The following PLXDC2 variants were observed in gnomAD, a reference collection of about 807,000 sequenced individuals.
PLXDC2 encodes plexin domain-containing protein 2.
Under a neutral mutation model 68.9 loss-of-function variants are expected in PLXDC2, and 40 were observed. That is an observed-to-expected ratio of 0.58 (90% CI 0.45 to 0.76). The LOEUF is 0.76. Among genes scored for constraint, PLXDC2 ranks in the 30% least tolerant of loss-of-function variants. The probability of loss-of-function intolerance (pLI) is 0.00; values close to 1 mark genes in which losing one functional copy is unlikely to be tolerated. For synonymous variants in PLXDC2, 243 were observed against 234.2 expected (o/e 1.04, Z -0.34); for missense variants, 644 against 661.9 (o/e 0.97, Z 0.30).
At chr10:20,271,363 A>G (rs753905563) in intron 13 of PLXDC2, among the ~76,000 whole-genome samples, 1 of 152,180 alleles carries the variant, frequency 6.6e-6, no homozygotes, top group Non-Finnish European at 1.5e-5. Flanking sequence ...GTTTTGTACC[A>G]TGAAGGCAAT....
At chr10:19,963,417 G>A (rs2131604678) in intron 1 of PLXDC2, among the ~76,000 whole-genome samples, 1 of 152,186 alleles carries the variant, frequency 6.6e-6, no homozygotes, top group Middle Eastern at 3.4e-3. Context: ...TTGGACATTT[G>A]GGTTGGTTCC....
chr10:20,089,160 C>G (rs1322510617), intron 4 of PLXDC2, among the ~76,000 whole-genome samples: 1 of 144,708 alleles, frequency 6.9e-6, no homozygotes, highest in Non-Finnish European at 1.5e-5. Context: ...AAAAAAAAAC[C>G]TGTATATACG....
chr10:20,205,869 T>C (rs553181180), intron 9 of PLXDC2, among the ~76,000 whole-genome samples: 4 of 152,214 alleles, frequency 2.6e-5, no homozygotes, highest in Non-Finnish European at 5.9e-5. Flanking sequence ...GGAATAAGTT[T>C]CTTGAGATAT....
chr10:19,849,208 TAAC>T (rs918576678), intron 1 of PLXDC2, among the ~76,000 whole-genome samples: 3 of 152,188 alleles, frequency 2.0e-5, no homozygotes, highest in African/African-American at 7.2e-5. Context: ...AAAAAATAAA[TAAC>T]AATAACATAA....
intron 9 of PLXDC2, among the ~76,000 whole-genome samples, chr10:20,190,498 A>G (rs1232890069): frequency 6.6e-6 from 1 of 151,866 alleles, no homozygotes; most frequent in Non-Finnish European, 1.5e-5. Context: ...CCTAATGTAA[A>G]TGACGAGTTA....
At chr10:20,182,819 T>C (rs1272896576) in intron 9 of PLXDC2, among the ~76,000 whole-genome samples, 1 of 151,946 alleles carries the variant, frequency 6.6e-6, no homozygotes, top group Non-Finnish European at 1.5e-5. Context: ...ATGCATTACA[T>C]ATTTGTCCTA....
At chr10:19,941,176 G>A (rs552953036) in intron 1 of PLXDC2, among the ~76,000 whole-genome samples, 18 of 152,282 alleles carry the variant, frequency 1.2e-4, no homozygotes, top group Admixed American at 5.2e-4. Flanking sequence ...ACTTCCCAGA[G>A]AATAGACATT....
At chr10:20,098,078 G>A (rs186345469) in intron 4 of PLXDC2, among the ~76,000 whole-genome samples, 7 of 151,766 alleles carry the variant, frequency 4.6e-5, no homozygotes, top group South Asian at 4.2e-4. Flanking sequence ...TTTTATTTGT[G>A]GGGGGCGGTA....
chr10:19,889,698 A>T (rs1837915148), intron 1 of PLXDC2, among the ~76,000 whole-genome samples: 1 of 152,218 alleles, frequency 6.6e-6, no homozygotes, highest in South Asian at 2.1e-4. Flanking sequence ...TTTAAGAGAT[A>T]GTGTGTTTCT....
At chr10:19,889,774 A>G (rs10764175) in intron 1 of PLXDC2, among the ~76,000 whole-genome samples, 121,710 of 152,170 alleles carry the variant, frequency 0.8, 49,079 homozygotes, top group African/African-American at 0.91. Context: ...GACATTTTGT[A>G]CTCTGAGATG....
chr10:20,109,061 A>C (rs1011461596), intron 4 of PLXDC2, among the ~76,000 whole-genome samples: 8 of 152,236 alleles, frequency 5.3e-5, no homozygotes, highest in Non-Finnish European at 1.0e-4. Context: ...TAAATTGCTT[A>C]GTAAAATAAG....
intron 1 of PLXDC2, among the ~76,000 whole-genome samples, chr10:19,929,007 G>A (rs934312707): frequency 3.3e-5 from 5 of 151,426 alleles, no homozygotes; most frequent in African/African-American, 9.7e-5. Flanking sequence ...CGCCCACTTC[G>A]GCCTCCCAAA....
rs1834946219 is a variant in PLXDC2 at position 20,001,855 on chromosome 10, T to C, written c.193T>C (p.Trp65Arg). ...TGATTCACACGCGTACAGCCACAGGTGGAAAAGAAACTTGGACTTTCTCAA... is the reference window on the plus strand; with the variant it reads ...TGATTCACACGCGTACAGCCACAGGCGGAAAAGAAACTTGGACTTTCTCAA... Reference protein sequence around the residue: ...EVDSHAYSHRWKRNLDFLKAV... With the variant: ...EVDSHAYSHRRKRNLDFLKAV... Residue 65 changes from tryptophan to arginine, a missense_variant, in exon 2 of 14, where the codon TGG becomes CGG. By Grantham distance (101) the Trp-to-Arg change is moderately radical (BLOSUM62 -3). Transcript: ENST00000377252. The C allele has an allele frequency of 6.2e-7, 1 of 1,613,572 alleles. No homozygotes were observed. The highest frequency in any genetic ancestry group is 8.5e-7 in the Non-Finnish European group (1 of 1,179,930).
chr10:20,083,881 C>G (rs917327807), intron 4 of PLXDC2, among the ~76,000 whole-genome samples: 10 of 152,050 alleles, frequency 6.6e-5, no homozygotes, highest in African/African-American at 1.9e-4. Flanking sequence ...CTGAATGTTG[C>G]AGTGAAAGAA....
intron 1 of PLXDC2, among the ~76,000 whole-genome samples, chr10:19,964,434 A>G (rs780144358): frequency 5.9e-5 from 9 of 152,194 alleles, no homozygotes; most frequent in Non-Finnish European, 1.2e-4. Context: ...CCTGCATAAT[A>G]TACTAAATAG....
chr10:20,037,476 A>G (rs969106008), intron 2 of PLXDC2, among the ~76,000 whole-genome samples: 2 of 152,084 alleles, frequency 1.3e-5, no homozygotes, highest in Non-Finnish European at 2.9e-5. Context: ...CGTGATTTAC[A>G]TTAGGTATAT....
chr10:20,251,056 T>C (rs560836836), intron 13 of PLXDC2, among the ~76,000 whole-genome samples: 68 of 152,194 alleles, frequency 4.5e-4, no homozygotes, highest in Non-Finnish European at 8.5e-4. Context: ...GAATTAACTG[T>C]ATACATCCCA....
At chr10:20,072,836 A>G (rs1159182866) in intron 4 of PLXDC2, among the ~76,000 whole-genome samples, 1 of 152,232 alleles carries the variant, frequency 6.6e-6, no homozygotes, top group South Asian at 2.1e-4. Context: ...ACTAGGATGC[A>G]GTGAATCAAG....
chr10:19,951,892 G>C (rs1330818705), intron 1 of PLXDC2, among the ~76,000 whole-genome samples: 1 of 152,104 alleles, frequency 6.6e-6, no homozygotes, highest in African/African-American at 2.4e-5. Flanking sequence ...AGTGAATACA[G>C]GAACAGATAA....
Sources: allele counts gnomAD v4.1 joint callset (sites outside exome capture counted in the v4.1 genomes callset), GRCh38; gene constraint gnomAD v4.1.1; transcripts MANE v1.5; gene names NCBI Gene and HGNC (gene_info 2026-07-23, HGNC 2026-07-21).